EBF1: variants seen among roughly 807,000 people sequenced by gnomAD.
EBF1 encodes transcription factor COE1.
EBF1 carries 10 observed loss-of-function variants against 68.4 expected under a neutral mutation model. That is an observed-to-expected ratio of 0.15 (90% CI 0.09 to 0.25). The LOEUF is 0.25. EBF1 is among the 10% of genes least tolerant of loss of function. The pLI, the probability that EBF1 is intolerant of heterozygous loss-of-function variation, is 1.00. For missense variants in EBF1, 509 were observed against 794.4 expected (o/e 0.64, Z 4.32); for synonymous variants, 298 against 299.8 (o/e 0.99, Z 0.06).
intron 10 of EBF1, among the ~76,000 whole-genome samples, chr5:158,763,399 G>A (rs1473458294): frequency 6.6e-6 from 1 of 152,178 alleles, no homozygotes; most frequent in East Asian, 1.9e-4. Flanking sequence ...CCCACAAAAA[G>A]ATGAGATAAA....
intron 6 of EBF1, among the ~76,000 whole-genome samples, chr5:158,866,055 G>A (rs1795813074): frequency 6.6e-6 from 1 of 152,188 alleles, no homozygotes; most frequent in Non-Finnish European, 1.5e-5. Context: ...GGACCCAAAT[G>A]AAACATATTA....
chr5:158,728,199 C>T (rs1763381785), intron 11 of EBF1, among the ~76,000 whole-genome samples: 1 of 152,202 alleles, frequency 6.6e-6, no homozygotes, highest in African/African-American at 2.4e-5. Context: ...CATTCAAAGC[C>T]AAGAGGACAG....
intron 5 of EBF1, among the ~76,000 whole-genome samples, chr5:159,077,345 A>C (rs1778955495): frequency 1.3e-5 from 2 of 152,216 alleles, no homozygotes; most frequent in Admixed American, 1.3e-4. Context: ...AGGCTGAGGC[A>C]GGAGAATCGG....
chr5:158,823,424 C>A (rs1785302693), intron 7 of EBF1, 107 bp from the exon 8 acceptor site: 14 of 1,054,292 alleles, frequency 1.3e-5, no homozygotes, highest in Non-Finnish European at 1.9e-5. Flanking sequence ...AATTGCATAG[C>A]TATTTCACAT....
chr5:158,881,572 G>C (rs762025017), intron 6 of EBF1, among the ~76,000 whole-genome samples: 1 of 152,132 alleles, frequency 6.6e-6, no homozygotes, highest in South Asian at 2.1e-4. Context: ...TATGTGCTGC[G>C]GGCTGTCTGA....
At chr5:158,974,114 T>C (rs1756222533) in intron 6 of EBF1, among the ~76,000 whole-genome samples, 1 of 152,224 alleles carries the variant, frequency 6.6e-6, no homozygotes. Flanking sequence ...TTAATATCTC[T>C]AATTCCTAGC....
intron 6 of EBF1, among the ~76,000 whole-genome samples, chr5:158,880,689 C>A (rs192643103): frequency 4.3e-4 from 65 of 152,252 alleles, no homozygotes; most frequent in East Asian, 3.9e-4. Flanking sequence ...AAATCGCTTG[C>A]CGATTTAAAT....
intron 6 of EBF1, among the ~76,000 whole-genome samples, chr5:158,946,953 A>T (rs1583387641): frequency 6.6e-6 from 1 of 152,316 alleles, no homozygotes; most frequent in South Asian, 2.1e-4. Flanking sequence ...AGCTCCCCCT[A>T]GCTGGAACTT....
At chr5:158,835,266 G>A (rs559971520) in intron 7 of EBF1, among the ~76,000 whole-genome samples, 3 of 152,112 alleles carry the variant, frequency 2.0e-5, no homozygotes, top group Non-Finnish European at 2.9e-5. Flanking sequence ...AGATGTCTTC[G>A]GGGTGATTTA....
intron 8 of EBF1, among the ~76,000 whole-genome samples, chr5:158,798,330 C>T (rs1779948401): frequency 6.6e-6 from 1 of 152,132 alleles, no homozygotes. Context: ...TAATTGCTGA[C>T]CCTGAGATTA....
intron 7 of EBF1, among the ~76,000 whole-genome samples, chr5:158,832,063 T>C (rs1415855674): frequency 6.6e-6 from 1 of 152,222 alleles, no homozygotes; most frequent in Non-Finnish European, 1.5e-5. Context: ...ACTTAAAAAG[T>C]GGAAGAATAT....
chr5:158,872,331 G>T (rs1438879864), intron 6 of EBF1, among the ~76,000 whole-genome samples: 1 of 151,940 alleles, frequency 6.6e-6, no homozygotes. Context: ...CAAGTAGCTG[G>T]AACTACAGGT....
intron 6 of EBF1, among the ~76,000 whole-genome samples, chr5:159,014,121 C>A (rs1374018584): frequency 6.6e-6 from 1 of 152,160 alleles, no homozygotes; most frequent in Non-Finnish European, 1.5e-5. Flanking sequence ...GAAAGAAAGT[C>A]AACATTATCT....
chr5:159,024,224 T>C (rs1234516229), intron 6 of EBF1, among the ~76,000 whole-genome samples: 1 of 152,068 alleles, frequency 6.6e-6, no homozygotes, highest in East Asian at 1.9e-4. Context: ...TCACTTTTCG[T>C]AGACTACTAA....
At chr5:158,960,184 A>G (rs899915940) in intron 6 of EBF1, among the ~76,000 whole-genome samples, 5 of 152,236 alleles carry the variant, frequency 3.3e-5, no homozygotes, top group African/African-American at 1.2e-4. Context: ...GGCTATAGTC[A>G]TATTGTAAGT....
At chr5:158,992,721 T>C (rs1387547940) in intron 6 of EBF1, among the ~76,000 whole-genome samples, 1 of 152,156 alleles carries the variant, frequency 6.6e-6, no homozygotes, top group Non-Finnish European at 1.5e-5. Context: ...ATTATATTCC[T>C]GGTTTTCAGT....
At chr5:159,029,716 A>C (rs1439831613) in intron 6 of EBF1, among the ~76,000 whole-genome samples, 1 of 152,206 alleles carries the variant, frequency 6.6e-6, no homozygotes, top group Non-Finnish European at 1.5e-5. Context: ...ACACTTTGGA[A>C]GCCCAAGGCG....
intron 2 of EBF1, 45 bp downstream of exon 2, chr5:159,096,929 C>T (rs758818573): frequency 7.5e-6 from 12 of 1,601,632 alleles, no homozygotes; most frequent in East Asian, 2.2e-5. Context: ...GGCCTGCTCC[C>T]GAGCCGAGCC....
At chr5:158,843,518 G>T (rs2127976951) in intron 6 of EBF1, among the ~76,000 whole-genome samples, 1 of 152,308 alleles carries the variant, frequency 6.6e-6, no homozygotes, top group South Asian at 2.1e-4. Flanking sequence ...TGGCATGCTG[G>T]CAGAGTCCCC....
Sources: gnomAD v4.1 joint callset for allele counts (sites outside exome capture counted in the v4.1 genomes callset) on GRCh38, gnomAD v4.1.1 for gene constraint, MANE v1.5 for transcripts, NCBI Gene and HGNC (gene_info 2026-07-23, HGNC 2026-07-21) for gene names.